Variants in NEMP2 observed in about 807,000 individuals in gnomAD.
NEMP2 encodes UPF0571 transmembrane protein.
NEMP2 carries 53 observed loss-of-function variants against 54.2 expected under a neutral mutation model. That is an observed-to-expected ratio of 0.98 (90% CI 0.78 to 1.23). NEMP2 has a LOEUF of 1.23. Ranked by LOEUF, NEMP2 falls within the 50% of genes most tolerant of loss-of-function variation. The probability of loss-of-function intolerance (pLI) is 0.00; values close to 1 mark genes in which losing one functional copy is unlikely to be tolerated. For missense variants in NEMP2, 455 were observed against 511.3 expected (o/e 0.89, Z 1.06); for synonymous variants, 197 against 190.3 (o/e 1.04, Z -0.29).
the NEMP2 span, among the ~76,000 whole-genome samples, chr2:190,565,959 G>T: frequency 6.6e-6 from 1 of 152,144 alleles, no homozygotes; most frequent in African/African-American, 2.4e-5. Context: ...GTGGCATTTT[G>T]TTATGGCAGC....
the NEMP2 span, among the ~76,000 whole-genome samples, chr2:190,545,790 CTCTT>C: frequency 6.6e-6 from 1 of 152,182 alleles, no homozygotes; most frequent in Non-Finnish European, 1.5e-5. Flanking sequence ...CCCTCTCCCT[CTCTT>C]TCTTTTTCTT....
chr2:190,501,507 C>A (rs549137628), downstream of NEMP2: 1 of 152,094 alleles, frequency 6.6e-6, no homozygotes, highest in South Asian at 2.1e-4. Flanking sequence ...AAAGGGAAAA[C>A]TGTTTTAGCT....
At chr2:190,443,189 G>GA in the NEMP2 span, among the ~76,000 whole-genome samples, 2 of 151,836 alleles carry the variant, frequency 1.3e-5, no homozygotes, top group Non-Finnish European at 2.9e-5. The surrounding 1 kb of genome is among the most constrained non-coding windows in gnomAD (Gnocchi z 4.2). Context: ...AAGCAAGGGA[G>GA]AAAAAAAATA....
rs1691024275 is a variant in NEMP2, at chr2:190,528,448, A to G, written c.98-3070T>C. ...ACTTTATACTGGGAGTCCTCAAACA[A>G]AAGTGATTCCTACCTATCGTTGGAA... On this transcript the variant is annotated intron_variant, in intron 1 of 8. Coordinates refer to ENST00000409150, the MANE Select transcript of NEMP2 (RefSeq NM_001142645.2). The surrounding 1 kb of genome is among the most constrained non-coding windows in gnomAD (Gnocchi z 4.3). Among the ~76,000 whole-genome samples, 1 of 152,122 alleles carries G rather than the reference A, an allele frequency of 6.6e-6. No individual in the cohort carries two copies. Among genetic ancestry groups the G allele is most frequent in the African/African-American group, 2.4e-5 (1 of 41,402 alleles).
At chr2:190,645,570 G>C in the NEMP2 span, among the ~76,000 whole-genome samples, 1 of 152,154 alleles carries the variant, frequency 6.6e-6, no homozygotes, top group African/African-American at 2.4e-5. Flanking sequence ...AATTCTGCTA[G>C]TTCATATTTT....
chr2:190,431,037 C>T, the NEMP2 span, among the ~76,000 whole-genome samples: 10 of 113,566 alleles, frequency 8.8e-5, 1 homozygote, highest in East Asian at 7.9e-4. The surrounding 1 kb of genome is among the most constrained non-coding windows in gnomAD (Gnocchi z 4.4). Context: ...GGGTCGCGGC[C>T]GGGCAGAGGC....
At chr2:190,543,839 C>CT in the NEMP2 span, among the ~76,000 whole-genome samples, 3 of 152,188 alleles carry the variant, frequency 2.0e-5, no homozygotes, top group African/African-American at 7.2e-5. This position sits in a 1 kb window ranked among gnomAD's most constrained non-coding sequence, Gnocchi z 4.7. Flanking sequence ...TTTTCAGCCT[C>CT]TGCTTTTTTA....
the NEMP2 span, among the ~76,000 whole-genome samples, chr2:190,453,756 C>G: frequency 0.012 from 1,897 of 152,310 alleles, 36 homozygotes; most frequent in African/African-American, 0.043. Flanking sequence ...ACTGGAGAAG[C>G]ACAGAACGGA....
chr2:190,529,020 T>C lies in NEMP2; in HGVS notation c.98-3642A>G, dbSNP rs1351149690. Among the ~76,000 whole-genome samples the C allele has an allele frequency of 6.6e-6, 1 of 152,146 alleles. No homozygotes were observed. ...TACCATGTTTTCCCCTACAACACAC[T>C]TTTCAATTAGCAAATAGATCTTTTT... On this transcript the variant is annotated intron_variant, in intron 1 of 8. Coordinates refer to ENST00000409150, the MANE Select transcript of NEMP2 (RefSeq NM_001142645.2). This position sits in a 1 kb window ranked among gnomAD's most constrained non-coding sequence, Gnocchi z 4.7.
chr2:190,513,086 T>TGGG lies in NEMP2; in HGVS notation c.953+1366_953+1367insCCC, dbSNP rs1690426834. Among the ~76,000 whole-genome samples, 1 of 152,204 alleles carries TGGG rather than the reference T, an allele frequency of 6.6e-6. No individual in the cohort carries two copies. Among genetic ancestry groups the TGGG allele is most frequent in the African/African-American group, 2.4e-5 (1 of 41,454 alleles). ...CCACTGTGATGTCTGATAACTGTTC[T>TGGG]CCTGCCACAGGGGCCTCCCCTTTAT... On this transcript the variant is annotated intron_variant, in intron 7 of 8. Coordinates refer to ENST00000409150, the MANE Select transcript of NEMP2 (RefSeq NM_001142645.2). The surrounding 1 kb of genome is among the most constrained non-coding windows in gnomAD (Gnocchi z 5.3).
At chr2:190,494,752 A>G in the NEMP2 span, among the ~76,000 whole-genome samples, 1 of 152,210 alleles carries the variant, frequency 6.6e-6, no homozygotes, top group East Asian at 1.9e-4. This position sits in a 1 kb window ranked among gnomAD's most constrained non-coding sequence, Gnocchi z 5.7. Context: ...CAAAAATCAC[A>G]TGATCATCTC....
chr2:190,490,566 AAAAAAAC>A, the NEMP2 span, among the ~76,000 whole-genome samples: 4 of 152,050 alleles, frequency 2.6e-5, no homozygotes, highest in Non-Finnish European at 5.9e-5. The surrounding 1 kb of genome is among the most constrained non-coding windows in gnomAD (Gnocchi z 4.5). Context: ...CCCTCTCAAA[AAAAAAAC>A]AAAAAACAAA....
the NEMP2 span, among the ~76,000 whole-genome samples, chr2:190,615,479 T>C: frequency 6.6e-6 from 1 of 152,192 alleles, no homozygotes; most frequent in Non-Finnish European, 1.5e-5. This position sits in a 1 kb window ranked among gnomAD's most constrained non-coding sequence, Gnocchi z 4.7. Context: ...CCACACCTTC[T>C]CTGGTGTGCC....
In NEMP2 at chr2:190,534,500, G is replaced by C; in HGVS notation, c.97+59C>G. 3 of 1,333,394 alleles carry C rather than the reference G, an allele frequency of 2.2e-6. No individual in the cohort carries two copies. In the South Asian group the frequency reaches 5.8e-5, roughly 26 times the overall value. The allele number at this position is 1,333,394 out of a possible 1,614,324, so 82.6% of individuals were successfully genotyped here. ...GGCCAAAGAGCGCGCCCTCAGGGCA[G>C]CCGCGAAGCCGGGGAGCGAGCACGC... On this transcript the variant is annotated intron_variant, in intron 1 of 8. Coordinates refer to ENST00000409150, the MANE Select transcript of NEMP2 (RefSeq NM_001142645.2).
chr2:190,518,554 C>T (rs1015411677), intron 4 of NEMP2, among the ~76,000 whole-genome samples, 182 bp downstream of exon 4: 9 of 152,110 alleles, frequency 5.9e-5, no homozygotes, highest in African/African-American at 1.9e-4. Flanking sequence ...ACATATCACA[C>T]GATAAAAATA....
rs956709958 is a variant in NEMP2 at position 190,534,553 on chromosome 2, G to C, written c.97+6C>G. On this transcript the variant is annotated splice_donor_region_variant and intron_variant, in intron 1 of 8. Coordinates refer to ENST00000409150, the MANE Select transcript of NEMP2 (RefSeq NM_001142645.2). ...GCGCGCGCCGCCGCCGCCGGTCCCG[G>C]GTTACCTGATAACGCTGCCGCCGCC... 13 of 1,404,474 alleles carry C rather than the reference G, an allele frequency of 9.3e-6. No individual in the cohort carries two copies. The highest frequency in any genetic ancestry group is 3.1e-5 in the Admixed American group (1 of 32,220). The allele number at this position is 1,404,474 out of a possible 1,614,324, so 87.0% of individuals were successfully genotyped here. A position where few individuals can be genotyped will look rare whatever the true frequency, so the allele number is the denominator to read the frequency against.
chr2:190,647,706 TC>T, the NEMP2 span, among the ~76,000 whole-genome samples: 2 of 110,454 alleles, frequency 1.8e-5, no homozygotes, highest in South Asian at 3.5e-4. Context: ...TTTTTCTTCT[TC>T]TTCTTTTTTT....
chr2:190,509,425 A>C lies in NEMP2; in HGVS notation c.1131-113T>G. On this transcript the variant is annotated intron_variant, in intron 8 of 8. Coordinates refer to ENST00000409150, the MANE Select transcript of NEMP2 (RefSeq NM_001142645.2). This position sits in a 1 kb window ranked among gnomAD's most constrained non-coding sequence, Gnocchi z 6.1. Reference sequence around the variant, plus strand: ...TTTAATTAAATTTGACTTTGCATCAATACAGGGTGGCATTTACACAGTGGG... The same window carrying C: ...TTTAATTAAATTTGACTTTGCATCACTACAGGGTGGCATTTACACAGTGGG... 1.6e-6 allele frequency: 2 copies of C among 1,234,818 alleles called. No homozygotes were observed. 76.5% of individuals were successfully genotyped at this position (1,234,818 alleles called of 1,614,324 possible).
At chr2:190,518,705 CAA>C (rs1428888949) in intron 4 of NEMP2, 29 bp downstream of exon 4, 1 of 1,469,086 alleles carries the variant, frequency 6.8e-7, no homozygotes, top group East Asian at 2.5e-5. Context: ...TTTTCATTCA[CAA>C]AGTTAAAAAT....
Sources: allele counts gnomAD v4.1 joint callset (sites outside exome capture counted in the v4.1 genomes callset), GRCh38; gene constraint gnomAD v4.1.1; non-coding constraint Gnocchi (gnomAD v3.1); transcripts MANE v1.5; gene names NCBI Gene and HGNC (gene_info 2026-07-23, HGNC 2026-07-21).